The following GIGYF2 variants were observed in gnomAD, a reference collection of about 807,000 sequenced individuals.
GIGYF2 encodes GRB10 interacting GYF protein 2.
Under a neutral mutation model 208.1 loss-of-function variants are expected in GIGYF2, and 25 were observed. That is an observed-to-expected ratio of 0.12 (90% CI 0.09 to 0.17). The LOEUF (loss-of-function observed/expected upper bound fraction) is 0.17, where lower values mean the gene tolerates loss of function less well. Ranked by LOEUF, GIGYF2 falls within the 10% of genes least tolerant of loss-of-function variation. GIGYF2 has a pLI of 1.00. For synonymous variants in GIGYF2, 534 were observed against 543.8 expected, an observed-to-expected ratio of 0.98 and a Z score of 0.25; for missense variants, 1,302 against 1,579.4, an observed-to-expected ratio of 0.82 and a Z score of 2.98.
At chr2:232,852,576 T>C (rs1012675018) in intron 28 of GIGYF2, among the ~76,000 whole-genome samples, 1 of 147,736 alleles carries the variant, frequency 6.8e-6, no homozygotes, top group Admixed American at 7.0e-5. Context: ...AATAATAATG[T>C]TTAAAATATT....
intron 8 of GIGYF2, among the ~76,000 whole-genome samples, chr2:232,781,312 A>ACG (rs1699713722): frequency 6.6e-6 from 1 of 151,634 alleles, no homozygotes; most frequent in African/African-American, 2.4e-5. Context: ...ACACACACAC[A>ACG]CACACACACA....
chr2:232,807,121 C>T (rs1006643985), intron 15 of GIGYF2, among the ~76,000 whole-genome samples: 1 of 152,184 alleles, frequency 6.6e-6, no homozygotes, highest in Non-Finnish European at 1.5e-5. Context: ...CTTGCCTTCT[C>T]ATTCATAAAG....
At chr2:232,820,330 TTTTG>T (rs1701039445) in intron 21 of GIGYF2, among the ~76,000 whole-genome samples, 1 of 151,436 alleles carries the variant, frequency 6.6e-6, no homozygotes, top group African/African-American at 2.4e-5. Flanking sequence ...TTTTTTTTTT[TTTTG>T]AGATGAGTCT....
intron 8 of GIGYF2, among the ~76,000 whole-genome samples, chr2:232,786,314 C>T (rs1362949417): frequency 1.3e-5 from 2 of 152,014 alleles, no homozygotes; most frequent in African/African-American, 2.4e-5. Flanking sequence ...CTCTGCTTAC[C>T]GCGACCTCCG....
intron 21 of GIGYF2, 50 bp from the exon 22 acceptor site, chr2:232,832,807 C>A (rs751464002): frequency 9.6e-6 from 13 of 1,356,252 alleles, no homozygotes; most frequent in Non-Finnish European, 1.2e-5. Flanking sequence ...CAGATTTTTC[C>A]CCCCACAATT....
intron 28 of GIGYF2, among the ~76,000 whole-genome samples, chr2:232,852,282 A>G (rs1358988610): frequency 6.6e-6 from 1 of 151,996 alleles, no homozygotes; most frequent in Non-Finnish European, 1.5e-5. Flanking sequence ...GCGGTGACTC[A>G]CGCCTGTAAT....
rs1344464753 is a variant in GIGYF2 at position 232,780,657 on chromosome 2, G to A, written c.533-6493G>A. Among the ~76,000 whole-genome samples the A allele has an allele frequency of 2.0e-5, 3 of 152,174 alleles. No homozygotes were observed. The East Asian group carries it at 5.8e-4, about 29-fold the overall frequency. ...TTAAGAATATTTGGTTCAGGCATGA[G>A]TTTGTAAATAATTCAATAAGGTTTA... On this transcript the variant is annotated intron_variant, in intron 8 of 28. Transcript: ENST00000373563.
chr2:232,789,936 A>G (rs1401870852), intron 9 of GIGYF2, among the ~76,000 whole-genome samples: 1 of 151,974 alleles, frequency 6.6e-6, no homozygotes, highest in African/African-American at 2.4e-5. Flanking sequence ...GGGGTATTAT[A>G]TGGATAGGGA....
At chr2:232,780,810 G>A (rs1254168408) in intron 8 of GIGYF2, among the ~76,000 whole-genome samples, 3 of 152,178 alleles carry the variant, frequency 2.0e-5, no homozygotes, top group Admixed American at 6.5e-5. Context: ...GATTTTGAAT[G>A]CTGAGAAGGG....
At chr2:232,856,745 G>T in intron 28 of GIGYF2, 48 bp from the exon 29 acceptor site, 1 of 1,163,816 alleles carries the variant, frequency 8.6e-7, no homozygotes, top group Non-Finnish European at 1.3e-6. Flanking sequence ...AATTTGAGCC[G>T]CTTGGTTGCC....
chr2:232,773,306 G>C (rs897363346), intron 8 of GIGYF2, among the ~76,000 whole-genome samples: 2 of 152,068 alleles, frequency 1.3e-5, no homozygotes, highest in African/African-American at 4.8e-5. Context: ...CTTTCATACT[G>C]TATTATCTCT....
intron 14 of GIGYF2, among the ~76,000 whole-genome samples, chr2:232,796,752 C>T (rs1019910967): frequency 1.3e-5 from 2 of 151,992 alleles, no homozygotes; most frequent in South Asian, 4.2e-4. Context: ...CCCAGCTACT[C>T]GGGAGGGTGA....
Position 232,787,733 on chromosome 2 carries a change from G to A in GIGYF2, c.712+404G>A, listed in dbSNP as rs183676045. Reference sequence around the variant, plus strand: ...TGAGTGTTTTTCCTAACAAGAAAGGGTTTATTCTTTCATTTTTTCCCTTTT... The same window carrying A: ...TGAGTGTTTTTCCTAACAAGAAAGGATTTATTCTTTCATTTTTTCCCTTTT... On this transcript the variant is annotated intron_variant, in intron 9 of 28. Coordinates refer to ENST00000373563, the MANE Select transcript of GIGYF2 (RefSeq NM_001103146.3). Among the ~76,000 whole-genome samples the A allele has an allele frequency of 5.0e-3, 768 of 152,220 alleles. 10 individuals are homozygous for A. The highest frequency in any genetic ancestry group is 0.018 in the African/African-American group (740 of 41,542).
At chr2:232,727,631 A>C (rs6733151) in intron 2 of GIGYF2, among the ~76,000 whole-genome samples, 48,118 of 152,048 alleles carry the variant, frequency 0.32, 7,977 homozygotes, top group South Asian at 0.62. Context: ...GAGTTTAGTG[A>C]AGGGTTTGGG....
At chr2:232,719,721 G>T (rs1261847311) in intron 2 of GIGYF2, among the ~76,000 whole-genome samples, 1 of 152,160 alleles carries the variant, frequency 6.6e-6, no homozygotes. Flanking sequence ...ATTTAGCTCA[G>T]TTATTTAGAA....
intron 8 of GIGYF2, among the ~76,000 whole-genome samples, chr2:232,778,300 A>G (rs559383007): frequency 4.1e-4 from 63 of 152,326 alleles, no homozygotes; most frequent in African/African-American, 1.4e-3. Flanking sequence ...GTCTTTTTCC[A>G]TAGTATACTT....
intron 2 of GIGYF2, among the ~76,000 whole-genome samples, chr2:232,708,286 C>T (rs1394989056): frequency 6.6e-6 from 1 of 152,096 alleles, no homozygotes; most frequent in East Asian, 1.9e-4. Flanking sequence ...TGAAGTTTCC[C>T]ATAATGTATT....
chr2:232,771,172 AAAG>A, intron 8 of GIGYF2: 1 of 1,613,984 alleles, frequency 6.2e-7, no homozygotes, highest in Non-Finnish European at 8.5e-7. Context: ...GTGGACAACA[AAAG>A]AAGCAGAAAA....
chr2:232,730,353 C>G (rs1419203640), intron 2 of GIGYF2, among the ~76,000 whole-genome samples: 1 of 152,048 alleles, frequency 6.6e-6, no homozygotes, highest in Non-Finnish European at 1.5e-5. Context: ...GCCTGTAGTC[C>G]CAGCACTTTG....
Sources: gnomAD v4.1 joint callset for allele counts (sites outside exome capture counted in the v4.1 genomes callset) on GRCh38, gnomAD v4.1.1 for gene constraint, MANE v1.5 for transcripts, NCBI Gene and HGNC (gene_info 2026-07-23, HGNC 2026-07-21) for gene names.